The following FAM171B variants were observed in gnomAD, a reference collection of about 807,000 sequenced individuals.
The protein encoded by FAM171B is protein FAM171B.
In FAM171B, 19 loss-of-function variants were observed where a neutral mutation model predicts 75.6. That is an observed-to-expected ratio of 0.25 (90% CI 0.18 to 0.37). FAM171B has a LOEUF of 0.37. Ranked by LOEUF, FAM171B falls within the 10% of genes least tolerant of loss-of-function variation. FAM171B has a pLI of 1.00. For missense variants in FAM171B, 848 were observed against 982.4 expected (o/e 0.86, Z 1.83); for synonymous variants, 367 against 361.7 (o/e 1.01, Z -0.17).
chr2:186,751,128 T>C lies in FAM171B; in HGVS notation c.725-6T>C. 1 of 1,588,962 alleles carries C rather than the reference T, an allele frequency of 6.3e-7. No individual in the cohort carries two copies. Among genetic ancestry groups the C allele is most frequent in the South Asian group, 1.1e-5 (1 of 87,868 alleles). On this transcript the variant is annotated splice_region_variant and splice_polypyrimidine_tract_variant and intron_variant, in intron 4 of 7. Transcript: ENST00000304698. ...TATGATTTTAATAAACTGTCTTCTTTTATAGGTTTTGAAAACATTGAATTG... is the reference window on the plus strand; with the variant it reads ...TATGATTTTAATAAACTGTCTTCTTCTATAGGTTTTGAAAACATTGAATTG...
Position 186,765,405 on chromosome 2 carries a change from T to A in FAM171B, c.*2582T>A, listed in dbSNP as rs1210748256. ...AGCTGTATGTATTTTTGAATACATA[T>A]TATGATCTTGAGACTTTATAAATCA... On this transcript the variant is annotated 3_prime_UTR_variant, in exon 8 of 8. Coordinates refer to ENST00000304698, the MANE Select transcript of FAM171B (RefSeq NM_177454.4). The A allele has an allele frequency of 6.6e-6, 1 of 152,078 alleles. No homozygotes were observed. Among genetic ancestry groups the A allele is most frequent in the Non-Finnish European group, 1.5e-5 (1 of 67,958 alleles). The allele number at this position is 152,078 out of a possible 1,614,324, so 9.4% of individuals were successfully genotyped here. A position where few individuals can be genotyped will look rare whatever the true frequency, so the allele number is the denominator to read the frequency against.
intron 3 of FAM171B, among the ~76,000 whole-genome samples, chr2:186,746,657 CA>C: frequency 6.6e-6 from 1 of 152,266 alleles, no homozygotes; most frequent in East Asian, 1.9e-4. Context: ...CCAGTCCAAG[CA>C]AAACACACAT....
chr2:186,751,744 C>G (rs374708209), intron 5 of FAM171B, among the ~76,000 whole-genome samples: 5 of 152,186 alleles, frequency 3.3e-5, no homozygotes, highest in South Asian at 4.1e-4. Flanking sequence ...CCCTTAGATA[C>G]TAGTTTTGTT....
chr2:186,739,970 G>T (rs1027212352), intron 1 of FAM171B, among the ~76,000 whole-genome samples: 1 of 152,012 alleles, frequency 6.6e-6, no homozygotes, highest in African/African-American at 2.4e-5. Context: ...ATTTTTTAGT[G>T]CCATCATAAT....
intron 1 of FAM171B, among the ~76,000 whole-genome samples, chr2:186,725,376 T>C (rs552375779): frequency 2.6e-5 from 4 of 152,096 alleles, no homozygotes; most frequent in African/African-American, 9.6e-5. Context: ...ACTTTCTCTG[T>C]CTTCTTTTCA....
At chr2:186,724,117 C>T (rs560786023) in intron 1 of FAM171B, among the ~76,000 whole-genome samples, 72 of 152,284 alleles carry the variant, frequency 4.7e-4, no homozygotes, top group African/African-American at 1.7e-3. Context: ...TGGGTTAGCA[C>T]AGCAAGTTTG....
intron 1 of FAM171B, among the ~76,000 whole-genome samples, chr2:186,720,565 A>G (rs1050835977): frequency 7.2e-5 from 11 of 152,174 alleles, no homozygotes; most frequent in Admixed American, 2.0e-4. Flanking sequence ...TGAATTTTGT[A>G]GGTCTGCTTT....
chr2:186,709,038 A>C (rs1306998594), intron 1 of FAM171B, among the ~76,000 whole-genome samples: 1 of 152,176 alleles, frequency 6.6e-6, no homozygotes, highest in Non-Finnish European at 1.5e-5. Context: ...GGGAGCTTCC[A>C]GTCATAGTAG....
chr2:186,722,018 C>G (rs761587013), intron 1 of FAM171B, among the ~76,000 whole-genome samples: 1 of 152,100 alleles, frequency 6.6e-6, no homozygotes, highest in African/African-American at 2.4e-5. Flanking sequence ...GAAGTATTTA[C>G]TTTCTATCAG....
At chr2:186,734,489 A>T (rs1346952489) in intron 1 of FAM171B, among the ~76,000 whole-genome samples, 1 of 151,884 alleles carries the variant, frequency 6.6e-6, no homozygotes, top group Non-Finnish European at 1.5e-5. Context: ...GCAGGTCATC[A>T]CAACATCTCT....
intron 1 of FAM171B, among the ~76,000 whole-genome samples, chr2:186,716,256 A>G (rs952465775): frequency 1.1e-4 from 17 of 152,172 alleles, no homozygotes; most frequent in Admixed American, 5.2e-4. Context: ...TTAAGTGATC[A>G]TCCTGCCTCA....
chr2:186,755,582 G>GCAGCATTTT (rs1456875430), intron 6 of FAM171B, among the ~76,000 whole-genome samples: 1 of 152,142 alleles, frequency 6.6e-6, no homozygotes, highest in Non-Finnish European at 1.5e-5. Flanking sequence ...ATGTTTATCT[G>GCAGCATTTT]CAGCATTTTG....
chr2:186,701,159 G>A (rs986602288), intron 1 of FAM171B, among the ~76,000 whole-genome samples: 2 of 152,014 alleles, frequency 1.3e-5, no homozygotes, highest in African/African-American at 2.4e-5. Context: ...GACCTCAGGT[G>A]ATCTGCCCAC....
intron 1 of FAM171B, among the ~76,000 whole-genome samples, chr2:186,716,713 G>A (rs2105777179): frequency 6.6e-6 from 1 of 152,276 alleles, no homozygotes; most frequent in South Asian, 2.1e-4. Flanking sequence ...TGGAATTGCT[G>A]AATTATATGG....
At position 186,765,497 on chromosome 2, in the gene FAM171B, T is replaced by C. The variant is rs1177464480; in HGVS notation, c.*2674T>C. On this transcript the variant is annotated 3_prime_UTR_variant, in exon 8 of 8. Coordinates refer to ENST00000304698, the MANE Select transcript of FAM171B (RefSeq NM_177454.4). ...TCAGTTCTATAGGGATTATGCCCTT[T>C]TATAATACATAATATACCACAGAGA... 2.0e-5 allele frequency: 3 copies of C among 152,078 alleles called. No individual in the cohort carries two copies. Among genetic ancestry groups the C allele is most frequent in the African/African-American group, 7.2e-5 (3 of 41,452 alleles). The allele number at this position is 152,078 out of a possible 1,614,324, so 9.4% of individuals were successfully genotyped here. A position where few individuals can be genotyped will look rare whatever the true frequency, so the allele number is the denominator to read the frequency against.
At chr2:186,704,553 A>G (rs1442820113) in intron 1 of FAM171B, among the ~76,000 whole-genome samples, 1 of 152,084 alleles carries the variant, frequency 6.6e-6, no homozygotes, top group African/African-American at 2.4e-5. Context: ...GAAATTTTTC[A>G]TTTTTCATTC....
Position 186,694,284 on chromosome 2 carries a change from C to A in FAM171B, c.111C>A (p.Ser37=). Residue 37 remains serine (S), a synonymous_variant, in exon 1 of 8, where the codon TCC becomes TCA. Coordinates refer to ENST00000304698, the MANE Select transcript of FAM171B (RefSeq NM_177454.4). ...PAAARAELSR[S]DLSLIQQQQQ... ...CCGCCAGAGCGGAACTCAGCCGCTC[C>A]GACCTCAGCCTCATCCAACAGCAGC... is the stretch of plus-strand genomic sequence containing the variant. 1 of 1,611,176 alleles carries A rather than the reference C, an allele frequency of 6.2e-7. No homozygotes were observed. Among genetic ancestry groups the A allele is most frequent in the Non-Finnish European group, 8.5e-7 (1 of 1,179,334 alleles).
Position 186,763,995 on chromosome 2 carries a change from G to C in FAM171B, c.*1172G>C, listed in dbSNP as rs1254422067. The C allele has an allele frequency of 6.6e-6, 1 of 151,900 alleles. No homozygotes were observed. The highest frequency in any genetic ancestry group is 1.5e-5 in the Non-Finnish European group (1 of 67,908). The allele number at this position is 151,900 out of a possible 1,614,324, so 9.4% of individuals were successfully genotyped here. On this transcript the variant is annotated 3_prime_UTR_variant, in exon 8 of 8. Transcript: ENST00000304698. ...CTTTGCAACTTCTTTTTTCAGTTTT[G>C]TAAGTAATATATCTATGTTCTTTTC... is the stretch of plus-strand genomic sequence containing the variant.
chr2:186,695,406 C>T (rs1208446987), intron 1 of FAM171B: 1 of 152,186 alleles, frequency 6.6e-6, no homozygotes, highest in Non-Finnish European at 1.5e-5. Flanking sequence ...AATTTTCTGG[C>T]ACGAGGGCTT....
Sources: gnomAD v4.1 joint callset for allele counts (sites outside exome capture counted in the v4.1 genomes callset) on GRCh38, gnomAD v4.1.1 for gene constraint, MANE v1.5 for transcripts, NCBI Gene and HGNC (gene_info 2026-07-23, HGNC 2026-07-21) for gene names.